Variants in ACAP2 observed in about 807,000 individuals in gnomAD.
The protein encoded by ACAP2 is ArfGAP with coiled-coil, ankyrin repeat and PH domains 2, also known as arf-GAP with coiled-coil, ANK repeat and PH domain-containing protein 2.
In ACAP2, 39 loss-of-function variants were observed where a neutral mutation model predicts 115.8. The ratio of observed to expected loss-of-function variants is 0.34; its 90% CI spans 0.26 to 0.44. The LOEUF is 0.44. Among genes scored for constraint, ACAP2 ranks in the 20% least tolerant of loss-of-function variants. The pLI, the probability that ACAP2 is intolerant of heterozygous loss-of-function variation, is 1.00. For synonymous variants in ACAP2, 289 were observed against 315.8 expected, an observed-to-expected ratio of 0.92 and a Z score of 0.90; for missense variants, 662 against 927.6, an observed-to-expected ratio of 0.71 and a Z score of 3.72.
At chr3:195,295,436 T>C (rs1727579668) in intron 17 of ACAP2, 4 of 551,552 alleles carry the variant, frequency 7.3e-6, no homozygotes, top group Admixed American at 3.3e-5. Flanking sequence ...CTTAGGGCTT[T>C]TGAAATGTCA....
intron 4 of ACAP2, among the ~76,000 whole-genome samples, chr3:195,357,132 A>G (rs1474399301): frequency 1.3e-5 from 2 of 151,958 alleles, no homozygotes; most frequent in African/African-American, 4.8e-5. Context: ...GGCGACATTC[A>G]TGAAAAGCTG....
chr3:195,403,872 G>C (rs1712521530), intron 1 of ACAP2, among the ~76,000 whole-genome samples: 1 of 152,088 alleles, frequency 6.6e-6, no homozygotes, highest in African/African-American at 2.4e-5. Flanking sequence ...TGAGTTGGAG[G>C]TATAAGTTTA....
At chr3:195,297,713 C>T (rs1302436090) in intron 15 of ACAP2, among the ~76,000 whole-genome samples, 1 of 152,206 alleles carries the variant, frequency 6.6e-6, no homozygotes, top group Admixed American at 6.5e-5. Context: ...TCAGTTTTCA[C>T]ATCTAGTTCC....
At chr3:195,332,956 A>G (rs1027785364) in intron 8 of ACAP2, 72 bp downstream of exon 8, 57 of 1,134,908 alleles carry the variant, frequency 5.0e-5, no homozygotes, top group Non-Finnish European at 7.2e-5. Flanking sequence ...TACACCTCCA[A>G]TATGCTAAAT....
At chr3:195,320,013 A>G (rs1279727572) in intron 10 of ACAP2, among the ~76,000 whole-genome samples, 7 of 152,126 alleles carry the variant, frequency 4.6e-5, no homozygotes, top group Admixed American at 4.6e-4. Context: ...TGTTCTCATG[A>G]TAGTGAGGGA....
At chr3:195,288,597 C>T (rs781656103) in intron 21 of ACAP2, among the ~76,000 whole-genome samples, 10 of 152,184 alleles carry the variant, frequency 6.6e-5, no homozygotes, top group African/African-American at 1.9e-4. Flanking sequence ...GTGGCTCACA[C>T]CTGTAATCCC....
At chr3:195,312,969 T>G (rs894919694) in intron 10 of ACAP2, 1 of 152,134 alleles carries the variant, frequency 6.6e-6, no homozygotes, top group Non-Finnish European at 1.5e-5. Context: ...GGCTTTTTCC[T>G]GTCGTGTGAA....
At chr3:195,350,973 A>G (rs1731529994) in intron 4 of ACAP2, among the ~76,000 whole-genome samples, 1 of 152,192 alleles carries the variant, frequency 6.6e-6, no homozygotes, top group Non-Finnish European at 1.5e-5. Flanking sequence ...GAAAACTACA[A>G]AAGAACAAAA....
At chr3:195,301,346 A>G (rs1489299795) in intron 15 of ACAP2, among the ~76,000 whole-genome samples, 2 of 152,152 alleles carry the variant, frequency 1.3e-5, no homozygotes, top group Non-Finnish European at 2.9e-5. Context: ...TCGGCTTCCT[A>G]AAGTGCTGGG....
At chr3:195,326,073 A>G (rs1485708486) in intron 9 of ACAP2, among the ~76,000 whole-genome samples, 2 of 152,182 alleles carry the variant, frequency 1.3e-5, no homozygotes, top group Admixed American at 6.5e-5. Flanking sequence ...GACATCTTCT[A>G]TATCAGATCT....
intron 1 of ACAP2, among the ~76,000 whole-genome samples, chr3:195,438,190 T>C (rs1343137026): frequency 2.6e-5 from 4 of 151,624 alleles, no homozygotes. Flanking sequence ...CACGCCCACC[T>C]AATTTTTTTG....
chr3:195,342,819 C>A (rs1395306525), intron 5 of ACAP2, 165 bp from the exon 6 acceptor site: 1 of 468,584 alleles, frequency 2.1e-6, no homozygotes, highest in Non-Finnish European at 3.8e-6. Flanking sequence ...CATGGTGAAA[C>A]CCCATCTCTA....
At position 195,326,964 on chromosome 3, in the gene ACAP2, A is replaced by G; in HGVS notation, c.670-5T>C. ...ATCCACAACCAGTCGATCCAACTGT[A>G]AAAAGGGAAAAGAGAAAACTGCAGA... On this transcript the variant is annotated splice_region_variant and splice_polypyrimidine_tract_variant and intron_variant, in intron 8 of 22. Transcript: ENST00000326793. 1 of 1,612,810 alleles carries G rather than the reference A, an allele frequency of 6.2e-7. No individual in the cohort carries two copies. Among genetic ancestry groups the G allele is most frequent in the Non-Finnish European group, 8.5e-7 (1 of 1,179,262 alleles).
At chr3:195,328,806 G>A (rs868866200) in intron 8 of ACAP2, among the ~76,000 whole-genome samples, 1 of 152,306 alleles carries the variant, frequency 6.6e-6, no homozygotes, top group East Asian at 1.9e-4. Context: ...GCGGCTGGGC[G>A]TGGCGGCTCA....
At chr3:195,421,589 T>C (rs549809862) in intron 1 of ACAP2, among the ~76,000 whole-genome samples, 3 of 152,346 alleles carry the variant, frequency 2.0e-5, no homozygotes, top group South Asian at 4.1e-4. Context: ...GCTGTAGTCA[T>C]AGGAAAGATT....
intron 1 of ACAP2, among the ~76,000 whole-genome samples, chr3:195,439,190 C>CT (rs1403266930): frequency 3.9e-5 from 4 of 103,434 alleles, no homozygotes; most frequent in African/African-American, 1.6e-4. Context: ...AAGGCTAAGG[C>CT]CTTTTTTTTT....
chr3:195,345,172 G>A (rs1731117704), intron 5 of ACAP2, 87 bp downstream of exon 5: 3 of 868,678 alleles, frequency 3.5e-6, no homozygotes, highest in Non-Finnish European at 3.8e-6. Flanking sequence ...AATAATTCAT[G>A]GTATATAACT....
At chr3:195,406,561 GC>G (rs1448384293) in intron 1 of ACAP2, among the ~76,000 whole-genome samples, 2 of 152,164 alleles carry the variant, frequency 1.3e-5, no homozygotes, top group Non-Finnish European at 1.5e-5. Flanking sequence ...AAAAATCCCG[GC>G]CTCAAGTGAT....
At chr3:195,318,984 G>C (rs1729269407) in intron 10 of ACAP2, among the ~76,000 whole-genome samples, 1 of 152,234 alleles carries the variant, frequency 6.6e-6, no homozygotes, top group Non-Finnish European at 1.5e-5. Context: ...CCAGGGCCCA[G>C]GACCCTGCTG....
Sources: gnomAD v4.1 joint callset for allele counts (sites outside exome capture counted in the v4.1 genomes callset) on GRCh38, gnomAD v4.1.1 for gene constraint, MANE v1.5 for transcripts, NCBI Gene and HGNC (gene_info 2026-07-23, HGNC 2026-07-21) for gene names.